Variants in PPP1R13B observed in about 807,000 individuals in gnomAD.
PPP1R13B encodes the protein protein phosphatase 1 regulatory subunit 13B.
In PPP1R13B, 44 loss-of-function variants were observed where a neutral mutation model predicts 119.8. That is an observed-to-expected ratio of 0.37 (90% CI 0.29 to 0.47). PPP1R13B has a LOEUF of 0.47. Ranked by LOEUF, PPP1R13B falls within the 20% of genes least tolerant of loss-of-function variation. PPP1R13B has a pLI of 0.99. For missense variants in PPP1R13B, 1,227 were observed against 1,413.5 expected, an observed-to-expected ratio of 0.87 and a Z score of 2.12; for synonymous variants, 542 against 561.5, an observed-to-expected ratio of 0.97 and a Z score of 0.49.
intron 1 of PPP1R13B, among the ~76,000 whole-genome samples, chr14:103,819,325 G>A (rs762013877): frequency 5.3e-5 from 8 of 151,928 alleles, no homozygotes; most frequent in South Asian, 4.2e-4. Flanking sequence ...AGACTGAGGC[G>A]GGGAACAAGC....
chr14:103,746,478 A>G lies in PPP1R13B; in HGVS notation c.1045T>C (p.Tyr349His), dbSNP rs1402325879. Residue 349 changes from tyrosine to histidine, a missense_variant, in exon 9 of 17, where the codon TAT (tyrosine) becomes CAT (histidine). Tyr to His is a moderately conservative substitution (Grantham distance 83). Transcript: ENST00000202556. Reference protein sequence around the residue: ...TSGRVAAVGPYIQVPSAGSFP... With the variant: ...TSGRVAAVGPHIQVPSAGSFP... ...CTTCCGGCACTGGGAACCTGGATAT[A>G]AGGCCCCACAGCAGCGACCCTGCCC... 33 of 1,613,946 alleles carry G rather than the reference A, an allele frequency of 2.0e-5. No homozygotes were observed. Among genetic ancestry groups the G allele is most frequent in the Non-Finnish European group, 2.5e-5 (29 of 1,179,926 alleles).
chr14:103,735,402 T>C (rs2084078176), intron 16 of PPP1R13B, among the ~76,000 whole-genome samples: 2 of 152,304 alleles, frequency 1.3e-5, no homozygotes, highest in South Asian at 2.1e-4. Context: ...ATCCTATTTT[T>C]CTCACAACAC....
At chr14:103,822,198 A>G (rs891970160) in intron 1 of PPP1R13B, among the ~76,000 whole-genome samples, 3 of 151,898 alleles carry the variant, frequency 2.0e-5, no homozygotes, top group African/African-American at 7.3e-5. Flanking sequence ...GCAGTGGCAC[A>G]GTCTCAGCTC....
chr14:103,796,431 T>C (rs1270701838), intron 2 of PPP1R13B, among the ~76,000 whole-genome samples: 1 of 152,146 alleles, frequency 6.6e-6, no homozygotes, highest in Non-Finnish European at 1.5e-5. Context: ...AGACATATCT[T>C]CACAACTACT....
At chr14:103,758,544 CT>C (rs2084730647) in intron 4 of PPP1R13B, among the ~76,000 whole-genome samples, 1 of 152,238 alleles carries the variant, frequency 6.6e-6, no homozygotes, top group South Asian at 2.1e-4. Flanking sequence ...GCACTGTGTA[CT>C]GTGACAGACA....
chr14:103,811,172 G>A (rs1191850727), intron 1 of PPP1R13B, among the ~76,000 whole-genome samples: 5 of 150,632 alleles, frequency 3.3e-5, no homozygotes, highest in African/African-American at 7.3e-5. Context: ...TGTTGATCAC[G>A]TGAATATTAT....
chr14:103,784,834 G>C lies in PPP1R13B; in HGVS notation c.238C>G (p.Leu80Val). ...GPRREEVKFF[L>V]RHEDSPTENS... ...TCAGTTGGGGAGTCCTCGTGTCGAA[G>C]GAAAAATTTCACTTCTTCCCTCCGT... Residue 80 changes from leucine to valine, a missense_variant, in exon 3 of 17, where the codon CTT (leucine) becomes GTT (valine). Transcript: ENST00000202556. 1 of 1,609,194 alleles carries C rather than the reference G, an allele frequency of 6.2e-7. No individual in the cohort carries two copies. Among genetic ancestry groups the C allele is most frequent in the Non-Finnish European group, 8.5e-7 (1 of 1,176,424 alleles).
intron 2 of PPP1R13B, among the ~76,000 whole-genome samples, chr14:103,796,879 C>G (rs1277363266): frequency 6.6e-6 from 1 of 152,130 alleles, no homozygotes; most frequent in Admixed American, 6.6e-5. Flanking sequence ...ATCGTTTGAA[C>G]CCAGGAGGCG....
intron 6 of PPP1R13B, among the ~76,000 whole-genome samples, chr14:103,753,747 G>A (rs1442245269): frequency 1.3e-5 from 2 of 152,116 alleles, no homozygotes; most frequent in African/African-American, 2.4e-5. Context: ...GGCCGCAAGA[G>A]ATCTTTTTAT....
chr14:103,775,113 C>T (rs2085156246), intron 4 of PPP1R13B, among the ~76,000 whole-genome samples: 2 of 152,138 alleles, frequency 1.3e-5, no homozygotes, highest in South Asian at 4.1e-4. Flanking sequence ...ATTTATCATA[C>T]ATTTGGAATG....
chr14:103,785,700 C>T (rs900159854), intron 2 of PPP1R13B, among the ~76,000 whole-genome samples: 4 of 150,670 alleles, frequency 2.7e-5, no homozygotes, highest in Non-Finnish European at 5.9e-5. Context: ...TTAGGAGAGA[C>T]GGGGTTTTAC....
chr14:103,835,821 G>A (rs1405344696), intron 1 of PPP1R13B, among the ~76,000 whole-genome samples: 1 of 151,648 alleles, frequency 6.6e-6, no homozygotes, highest in Non-Finnish European at 1.5e-5. Flanking sequence ...GTGTTAGCCA[G>A]GATGGTCTCG....
intron 1 of PPP1R13B, among the ~76,000 whole-genome samples, chr14:103,846,081 C>T (rs1174153244): frequency 6.6e-6 from 1 of 152,168 alleles, no homozygotes; most frequent in African/African-American, 2.4e-5. Context: ...CGTTTCACCC[C>T]AGATCTTCTG....
intron 1 of PPP1R13B, among the ~76,000 whole-genome samples, chr14:103,800,686 GA>G (rs2085879937): frequency 1.3e-5 from 2 of 151,696 alleles, no homozygotes; most frequent in South Asian, 4.2e-4. Flanking sequence ...CAAAAAAAAA[GA>G]TTTTTTTTTC....
intron 1 of PPP1R13B, among the ~76,000 whole-genome samples, chr14:103,799,691 AT>A (rs933747855): frequency 2.4e-4 from 37 of 151,168 alleles, no homozygotes; most frequent in African/African-American, 8.5e-4. Flanking sequence ...TTGGAAGGAA[AT>A]TTTTTTTTCC....
chr14:103,780,764 T>C (rs928980259), intron 3 of PPP1R13B, among the ~76,000 whole-genome samples: 1 of 148,780 alleles, frequency 6.7e-6, no homozygotes, highest in Non-Finnish European at 1.5e-5. Flanking sequence ...CAGCCAAGAT[T>C]GCGCCACTGC....
chr14:103,802,560 A>C (rs528834202), intron 1 of PPP1R13B, among the ~76,000 whole-genome samples: 5 of 152,286 alleles, frequency 3.3e-5, no homozygotes, highest in African/African-American at 1.2e-4. Context: ...GAGCTAGCAA[A>C]ACATTTGCAC....
intron 1 of PPP1R13B, among the ~76,000 whole-genome samples, chr14:103,815,665 G>A (rs796704720): frequency 6.6e-6 from 1 of 152,212 alleles, no homozygotes; most frequent in African/African-American, 2.4e-5. Flanking sequence ...TGAGGCAGGA[G>A]AATCGCTTGA....
At position 103,757,713 on chromosome 14, in the gene PPP1R13B, G is replaced by A. The variant is rs757439362; in HGVS notation, c.393C>T (p.Leu131=). The A allele has an allele frequency of 6.2e-7, 1 of 1,614,034 alleles. No homozygotes were observed. Among genetic ancestry groups the A allele is most frequent in the Non-Finnish European group, 8.5e-7 (1 of 1,179,978 alleles). The change falls in exon 5 of 17, where the codon CTC becomes CTT. Residue 131 remains leucine (L), a synonymous_variant. Transcript: ENST00000202556. ...NPRVELTLSE[L]QDMAARQQQQ... Reference sequence around the variant, plus strand: ...GCTGTTGCCTAGCTGCCATATCTTGGAGCTCTGAGAGGGTAAGTTCAACAC... The same window carrying A: ...GCTGTTGCCTAGCTGCCATATCTTGAAGCTCTGAGAGGGTAAGTTCAACAC...
Sources: gnomAD v4.1 joint callset for allele counts (sites outside exome capture counted in the v4.1 genomes callset) on GRCh38, gnomAD v4.1.1 for gene constraint, MANE v1.5 for transcripts, NCBI Gene and HGNC (gene_info 2026-07-23, HGNC 2026-07-21) for gene names.